FRMD4A: variants seen among roughly 807,000 people sequenced by gnomAD.
FRMD4A encodes the protein FERM domain containing 4A.
FRMD4A carries 29 observed loss-of-function variants against 129.1 expected under a neutral mutation model. The ratio of observed to expected loss-of-function variants is 0.22; its 90% CI spans 0.17 to 0.31. The LOEUF (loss-of-function observed/expected upper bound fraction) is 0.31, where lower values mean the gene tolerates loss of function less well. FRMD4A is among the 10% of genes least tolerant of loss of function. FRMD4A has a pLI of 1.00. For synonymous variants in FRMD4A, 634 were observed against 571.6 expected, an observed-to-expected ratio of 1.11 and a Z score of -1.56; for missense variants, 1,272 against 1,375.8, an observed-to-expected ratio of 0.92 and a Z score of 1.19.
At chr10:14,268,545 C>T (rs549896286) in intron 2 of FRMD4A, among the ~76,000 whole-genome samples, 3 of 152,226 alleles carry the variant, frequency 2.0e-5, no homozygotes, top group Non-Finnish European at 4.4e-5. Context: ...AAGAAAACTA[C>T]AGCAGTGAAA....
chr10:14,313,319 C>T (rs1010340024), intron 2 of FRMD4A, among the ~76,000 whole-genome samples: 6 of 152,208 alleles, frequency 3.9e-5, no homozygotes, highest in Middle Eastern at 3.4e-3. Context: ...GCTATGATTG[C>T]GCCTCTGCAA....
intron 2 of FRMD4A, among the ~76,000 whole-genome samples, chr10:14,243,500 C>G (rs1319111561): frequency 6.6e-6 from 1 of 152,128 alleles, no homozygotes; most frequent in Non-Finnish European, 1.5e-5. Context: ...TACCCAGTCT[C>G]AGGCAGTTCT....
intron 4 of FRMD4A, among the ~76,000 whole-genome samples, chr10:13,801,111 G>T (rs148873306): frequency 0.016 from 2,498 of 152,248 alleles, 73 homozygotes; most frequent in African/African-American, 0.056. Flanking sequence ...GCCAGGTGTG[G>T]TGGCACGTGC....
intron 2 of FRMD4A, among the ~76,000 whole-genome samples, chr10:14,261,357 T>C (rs1418592853): frequency 6.6e-6 from 1 of 152,204 alleles, no homozygotes; most frequent in African/African-American, 2.4e-5. Flanking sequence ...ATGAATGAAG[T>C]GTGCAGAATT....
intron 13 of FRMD4A, among the ~76,000 whole-genome samples, chr10:13,705,808 T>C (rs1049220111): frequency 1.6e-4 from 24 of 152,204 alleles, no homozygotes; most frequent in African/African-American, 5.8e-4. Context: ...CACCTGACTG[T>C]GGAGATGCAG....
Position 13,802,799 on chromosome 10 carries a change from T to C in FRMD4A, c.207-6211A>G, listed in dbSNP as rs369641205. ...AAGTGTATGAAATGCTTATAGATGTTGCTGGATGGAGGGGAGGAGAGGAGC... is the reference window on the plus strand; with the variant it reads ...AAGTGTATGAAATGCTTATAGATGTCGCTGGATGGAGGGGAGGAGAGGAGC... On this transcript the variant is annotated intron_variant, in intron 4 of 24. Coordinates refer to ENST00000357447, the MANE Select transcript of FRMD4A (RefSeq NM_018027.5). Among the ~76,000 whole-genome samples, 7 of 152,172 alleles carry C rather than the reference T, an allele frequency of 4.6e-5. No homozygotes were observed. In the South Asian group the frequency reaches 6.2e-4, roughly 14 times the overall value.
At chr10:13,848,499 A>G (rs1237882391) in intron 3 of FRMD4A, among the ~76,000 whole-genome samples, 38 of 151,880 alleles carry the variant, frequency 2.5e-4, no homozygotes, top group Non-Finnish European at 2.9e-5. Flanking sequence ...AGGGGCGCAA[A>G]GAAGGGGTGT....
chr10:14,257,266 G>A (rs1283318418), intron 2 of FRMD4A, among the ~76,000 whole-genome samples: 2 of 152,200 alleles, frequency 1.3e-5, no homozygotes, highest in Non-Finnish European at 2.9e-5. Flanking sequence ...AAGAGGTGGA[G>A]GTTGCAGTGA....
At chr10:13,797,918 GAAAAA>G (rs10565021) in intron 4 of FRMD4A, among the ~76,000 whole-genome samples, 33 of 140,764 alleles carry the variant, frequency 2.3e-4, no homozygotes, top group African/African-American at 5.6e-4. Flanking sequence ...TTTCGCACAA[GAAAAA>G]AAAAAAAAAA....
chr10:13,963,239 T>A (rs2095458276), intron 2 of FRMD4A, among the ~76,000 whole-genome samples: 1 of 148,478 alleles, frequency 6.7e-6, no homozygotes, highest in Non-Finnish European at 1.5e-5. Context: ...TTTAATGAAT[T>A]TACTAATTGT....
chr10:13,821,583 T>C lies in FRMD4A; in HGVS notation c.112-10675A>G, dbSNP rs77952180. 0.013 allele frequency among the ~76,000 whole-genome samples: 1,965 copies of C among 152,256 alleles called. 99 individuals carry two copies. The East Asian group carries it at 0.14, about 11-fold the overall frequency. ...CTGCCCACCTGTCCCCGCCTGCAGC[T>C]GCTACTTCACATGAATTCATGCAGC... On this transcript the variant is annotated intron_variant, in intron 3 of 24. Transcript: ENST00000357447. The surrounding 1 kb of genome is among the most constrained non-coding windows in gnomAD (Gnocchi z 4.3).
At chr10:14,133,182 T>G (rs1308880307) in intron 2 of FRMD4A, among the ~76,000 whole-genome samples, 8 of 152,178 alleles carry the variant, frequency 5.3e-5, no homozygotes, top group African/African-American at 1.4e-4. Context: ...CAGGATTAGA[T>G]GACATTTTGC....
chr10:13,688,026 C>CT (rs1318151482), intron 15 of FRMD4A, among the ~76,000 whole-genome samples: 1 of 152,160 alleles, frequency 6.6e-6, no homozygotes, highest in East Asian at 1.9e-4. Flanking sequence ...GCCCTGATCT[C>CT]AAGCCTTAAC....
chr10:14,056,068 G>C (rs539849086), intron 2 of FRMD4A, among the ~76,000 whole-genome samples: 1 of 152,204 alleles, frequency 6.6e-6, no homozygotes, highest in South Asian at 2.1e-4. Flanking sequence ...GTCTCACTCT[G>C]TCGCCCAGGC....
intron 2 of FRMD4A, among the ~76,000 whole-genome samples, chr10:13,982,790 T>C (rs1255375087): frequency 1.3e-5 from 2 of 152,208 alleles, no homozygotes; most frequent in African/African-American, 4.8e-5. Context: ...CATAAAAGTA[T>C]GATCAAATAA....
intron 3 of FRMD4A, among the ~76,000 whole-genome samples, chr10:13,812,355 T>C (rs1315797305): frequency 6.6e-6 from 1 of 152,210 alleles, no homozygotes; most frequent in Non-Finnish European, 1.5e-5. Context: ...TTCGTGTCCT[T>C]ATAAGAAGAG....
chr10:14,280,886 G>A (rs998435198), intron 2 of FRMD4A, among the ~76,000 whole-genome samples: 1 of 149,676 alleles, frequency 6.7e-6, no homozygotes, highest in Non-Finnish European at 1.5e-5. Flanking sequence ...CCCAGCCCCT[G>A]TACTCACAAT....
At chr10:13,893,624 C>T (rs964207271) in intron 2 of FRMD4A, among the ~76,000 whole-genome samples, 3 of 152,006 alleles carry the variant, frequency 2.0e-5, no homozygotes, top group Non-Finnish European at 4.4e-5. Context: ...TGGGTTCAAG[C>T]GATTCTTCTG....
At chr10:14,150,062 C>T (rs375038125) in intron 2 of FRMD4A, among the ~76,000 whole-genome samples, 58 of 152,236 alleles carry the variant, frequency 3.8e-4, no homozygotes, top group African/African-American at 1.3e-3. Context: ...GGAAATGCTA[C>T]GTACTTTTAA....
Sources: gnomAD v4.1 joint callset for allele counts (sites outside exome capture counted in the v4.1 genomes callset) on GRCh38, gnomAD v4.1.1 for gene constraint, Gnocchi (gnomAD v3.1) non-coding constraint, MANE v1.5 for transcripts, NCBI Gene and HGNC (gene_info 2026-07-23, HGNC 2026-07-21) for gene names.